The following RALGPS2 variants were observed in gnomAD, a reference collection of about 807,000 sequenced individuals.
RALGPS2 encodes the protein Ral GEF with PH domain and SH3 binding motif 2, also known as ras-specific guanine nucleotide-releasing factor RalGPS2.
In RALGPS2, 43 loss-of-function variants were observed where a neutral mutation model predicts 86.8. The observed-to-expected ratio is 0.50, with a 90% confidence interval of 0.39 to 0.64. RALGPS2 has a LOEUF of 0.64. Among genes scored for constraint, RALGPS2 ranks in the 30% least tolerant of loss-of-function variants. The probability of loss-of-function intolerance (pLI) is 0.00; values close to 1 mark genes in which losing one functional copy is unlikely to be tolerated. For synonymous variants in RALGPS2, 243 were observed against 231.3 expected, an observed-to-expected ratio of 1.05 and a Z score of -0.46; for missense variants, 536 against 694.6, an observed-to-expected ratio of 0.77 and a Z score of 2.57.
chr1:178,908,042 TAGTG>T (rs1222501345), intron 19 of RALGPS2, among the ~76,000 whole-genome samples: 1 of 152,184 alleles, frequency 6.6e-6, no homozygotes, highest in African/African-American at 2.4e-5. Flanking sequence ...GTCACCCAGT[TAGTG>T]AGCAGAGTAC....
At chr1:178,812,126 A>G (rs2102203898) in intron 6 of RALGPS2, among the ~76,000 whole-genome samples, 1 of 152,306 alleles carries the variant, frequency 6.6e-6, no homozygotes, top group African/African-American at 2.4e-5. Flanking sequence ...GGAGTCATAC[A>G]AAGTATAAAC....
At chr1:178,862,148 C>T (rs982757636) in intron 8 of RALGPS2, among the ~76,000 whole-genome samples, 17 of 152,110 alleles carry the variant, frequency 1.1e-4, no homozygotes, top group Non-Finnish European at 4.4e-5. Context: ...GTTGAGATTA[C>T]AGGCATGAGC....
chr1:178,833,647 C>G lies in RALGPS2; in HGVS notation c.607+97C>G, dbSNP rs2102249666. The G allele has an allele frequency of 2.0e-5, 29 of 1,454,812 alleles. No individual in the cohort carries two copies. In the South Asian group the frequency reaches 4.0e-4, roughly 20 times the overall value. 90.1% of individuals were successfully genotyped at this position (1,454,812 alleles called of 1,614,324 possible). On this transcript the variant is annotated intron_variant, in intron 8 of 19. Transcript: ENST00000367635. ...CAAGGTATTTTTTAAATGTTTGTAT[C>G]TTTTAAATAAATTACTTCAAGATTG...
In RALGPS2 at chr1:178,727,335, G is replaced by T. The variant is rs116729560; in HGVS notation, c.-84+1916G>T. Among the ~76,000 whole-genome samples, 903 of 152,252 alleles carry T rather than the reference G, an allele frequency of 5.9e-3. 15 individuals carry two copies. The highest frequency in any genetic ancestry group is 0.021 in the African/African-American group (875 of 41,530). ...CCGTGTCAGGCTCCCAAGAAGCTGG[G>T]ACTACAGGCATGCGCCACTGTGCGT... is the stretch of plus-strand genomic sequence containing the variant. On this transcript the variant is annotated intron_variant, in intron 1 of 19. Coordinates refer to ENST00000367635, the MANE Select transcript of RALGPS2 (RefSeq NM_152663.5).
intron 1 of RALGPS2, among the ~76,000 whole-genome samples, chr1:178,758,651 A>G (rs1652072433): frequency 6.6e-6 from 1 of 152,078 alleles, no homozygotes; most frequent in Admixed American, 6.5e-5. Flanking sequence ...GAGAACATAC[A>G]ATGTTTATCT....
At chr1:178,818,413 G>A (rs971077812) in intron 6 of RALGPS2, among the ~76,000 whole-genome samples, 1 of 152,174 alleles carries the variant, frequency 6.6e-6, no homozygotes, top group African/African-American at 2.4e-5. Context: ...AGGAATTGAG[G>A]TGGATAGGGT....
At chr1:178,849,089 A>G (rs907174256) in intron 8 of RALGPS2, among the ~76,000 whole-genome samples, 2 of 152,128 alleles carry the variant, frequency 1.3e-5, no homozygotes, top group East Asian at 3.9e-4. Flanking sequence ...ACCTGTATTA[A>G]CTCATTTATT....
At chr1:178,759,263 G>T (rs78539072) in intron 1 of RALGPS2, among the ~76,000 whole-genome samples, 1 of 152,022 alleles carries the variant, frequency 6.6e-6, no homozygotes, top group Non-Finnish European at 1.5e-5. Context: ...TGAGAGTTAG[G>T]GGTCTAGTTC....
chr1:178,908,118 G>T (rs554545370), intron 19 of RALGPS2, among the ~76,000 whole-genome samples: 1 of 151,998 alleles, frequency 6.6e-6, no homozygotes, highest in African/African-American at 2.4e-5. Flanking sequence ...GCTCAGTGTC[G>T]ATTGTTCCCA....
chr1:178,856,200 G>GATATATATATAT (rs1348083361), intron 8 of RALGPS2, among the ~76,000 whole-genome samples: 43 of 40,904 alleles, frequency 1.1e-3, no homozygotes, highest in African/African-American at 3.8e-3. Flanking sequence ...CAGAGAGAGA[G>GATATATATATAT]AGATATATAT....
chr1:178,888,559 CT>C lies in RALGPS2; in HGVS notation c.1193-1081del, dbSNP rs1404846437. Among the ~76,000 whole-genome samples the C allele has an allele frequency of 4.6e-5, 7 of 152,230 alleles. No homozygotes were observed. The East Asian group carries it at 1.4e-3, about 29-fold the overall frequency. On this transcript the variant is annotated intron_variant, in intron 13 of 19. Transcript: ENST00000367635. ...CTACAAATAAGTTATCCTAATTATG[CT>C]TAAATTTTCAGTCTTTACCACATAG...
chr1:178,771,412 G>C (rs979868185), intron 1 of RALGPS2, among the ~76,000 whole-genome samples: 1 of 152,186 alleles, frequency 6.6e-6, no homozygotes, highest in African/African-American at 2.4e-5. Flanking sequence ...TTAGATTTCA[G>C]TTATGGGTTC....
In RALGPS2 at chr1:178,746,665, A is replaced by G. The variant is rs1303851132; in HGVS notation, c.-84+21246A>G. ...GGTTCCAAATTTATAGCTGCAGAAT[A>G]TTCTCAAGTCATGAATATTAGGTAT... On this transcript the variant is annotated intron_variant, in intron 1 of 19. Transcript: ENST00000367635. 2.7e-5 allele frequency: 21 copies of G among 770,194 alleles called. No individual in the cohort carries two copies. The East Asian group carries it at 5.1e-4, about 19-fold the overall frequency. The allele number at this position is 770,194 out of a possible 1,614,324, so 47.7% of individuals were successfully genotyped here.
chr1:178,916,353 T>C lies in RALGPS2; in HGVS notation c.1746T>C (p.Phe582=), dbSNP rs768137142. ...KQQVPTNLMT[F]E is the part of the protein sequence containing the mutation. ...AGGTTCCTACAAACTTGATGACTTT[T>C]GAGTAGAAGCCTGAGAAAAAAAGAG... Residue 582 remains phenylalanine, a synonymous_variant, in exon 20 of 20, where the codon TTT becomes TTC. Coordinates refer to ENST00000367635, the MANE Select transcript of RALGPS2 (RefSeq NM_152663.5). 3 of 1,602,756 alleles carry C rather than the reference T, an allele frequency of 1.9e-6. No homozygotes were observed. The highest frequency in any genetic ancestry group is 2.6e-6 in the Non-Finnish European group (3 of 1,170,376).
At chr1:178,744,640 C>T (rs1651206852) in intron 1 of RALGPS2, among the ~76,000 whole-genome samples, 1 of 151,572 alleles carries the variant, frequency 6.6e-6, no homozygotes, top group Non-Finnish European at 1.5e-5. Context: ...ATGGTGAAAC[C>T]CCGTCTCTAC....
chr1:178,765,698 G>T lies in RALGPS2; in HGVS notation c.-83-10984G>T, dbSNP rs560849607. 1.6e-3 allele frequency among the ~76,000 whole-genome samples: 244 copies of T among 152,208 alleles called. 3 individuals are homozygous for T. The highest frequency in any genetic ancestry group is 0.012 in the South Asian group (56 of 4,824). On this transcript the variant is annotated intron_variant, in intron 1 of 19. Transcript: ENST00000367635. Reference sequence around the variant, plus strand: ...GCTATGGGAGACAGGGGCTTATTTCGTCCCTTATCTACAACCATAAAAGAC... The same window carrying T: ...GCTATGGGAGACAGGGGCTTATTTCTTCCCTTATCTACAACCATAAAAGAC...
At chr1:178,738,573 A>T (rs533801550) in intron 1 of RALGPS2, among the ~76,000 whole-genome samples, 1 of 152,314 alleles carries the variant, frequency 6.6e-6, no homozygotes, top group Non-Finnish European at 1.5e-5. Context: ...TTTCAATTTT[A>T]TGTTTCCTTA....
chr1:178,902,036 C>A, intron 17 of RALGPS2, 70 bp from the exon 18 acceptor site: 1 of 1,141,228 alleles, frequency 8.8e-7, no homozygotes, highest in Non-Finnish European at 1.3e-6. Flanking sequence ...AATACACTCC[C>A]TAACACTGAA....
chr1:178,728,220 T>C (rs1650137160), intron 1 of RALGPS2, among the ~76,000 whole-genome samples: 1 of 152,192 alleles, frequency 6.6e-6, no homozygotes, highest in South Asian at 2.1e-4. Flanking sequence ...GGTCTAAAAT[T>C]TTAAAATATC....
Sources: gnomAD v4.1 joint callset for allele counts (sites outside exome capture counted in the v4.1 genomes callset) on GRCh38, gnomAD v4.1.1 for gene constraint, MANE v1.5 for transcripts, NCBI Gene and HGNC (gene_info 2026-07-23, HGNC 2026-07-21) for gene names.